Variants in PPFIBP1 observed in about 807,000 individuals in gnomAD.
The protein encoded by PPFIBP1 is PPFIB scaffold protein 1.
In PPFIBP1, 112 loss-of-function variants were observed where a neutral mutation model predicts 137.8. The ratio of observed to expected loss-of-function variants is 0.81; its 90% CI spans 0.70 to 0.95. The LOEUF (loss-of-function observed/expected upper bound fraction) is 0.95. Ranked by LOEUF, PPFIBP1 falls within the 40% of genes least tolerant of loss-of-function variation. PPFIBP1 has a pLI of 0.00. For synonymous variants in PPFIBP1, 378 were observed against 417.3 expected (o/e 0.91, Z 1.15); for missense variants, 1,083 against 1,196.6 (o/e 0.91, Z 1.40).
intron 2 of PPFIBP1, among the ~76,000 whole-genome samples, chr12:27,631,752 A>G (rs2057287360): frequency 1.3e-5 from 2 of 151,784 alleles, no homozygotes; most frequent in South Asian, 4.1e-4. Context: ...TCGGACTTGA[A>G]CTGTTTATGC....
intron 1 of PPFIBP1, among the ~76,000 whole-genome samples, chr12:27,531,459 A>ATTTTTT (rs11434409): frequency 1.4e-5 from 2 of 144,840 alleles, no homozygotes; most frequent in Non-Finnish European, 3.0e-5. Context: ...TGAGCAGCTA[A>ATTTTTT]TTTTTTTTTT....
intron 2 of PPFIBP1, among the ~76,000 whole-genome samples, chr12:27,609,327 T>C (rs1024626270): frequency 3.3e-5 from 5 of 152,218 alleles, no homozygotes; most frequent in South Asian, 2.1e-4. Flanking sequence ...TCTTTAGAAA[T>C]GGCATCCTCA....
At chr12:27,671,840 G>A (rs542995185) in intron 14 of PPFIBP1, among the ~76,000 whole-genome samples, 1 of 152,232 alleles carries the variant, frequency 6.6e-6, no homozygotes, top group Admixed American at 6.5e-5. Flanking sequence ...GGAAGGCCAA[G>A]GTGGGCAGAT....
rs185730225 is a variant in PPFIBP1 at position 27,557,110 on chromosome 12, G to A, written c.-123-21042G>A. 3.6e-3 allele frequency among the ~76,000 whole-genome samples: 552 copies of A among 152,148 alleles called. 4 individuals carry two copies. Among genetic ancestry groups the A allele is most frequent in the Non-Finnish European group, 4.5e-3 (307 of 68,010 alleles). ...ATATGTGTTTTAGGAAAAAGAAGGG[G>A]GTGTCAGCTTTAGAAATCTCTTCAT... On this transcript the variant is annotated intron_variant, in intron 1 of 29. Coordinates refer to ENST00000228425, the MANE Select transcript of PPFIBP1 (RefSeq NM_003622.4).
At chr12:27,564,817 G>T (rs1050303339) in intron 1 of PPFIBP1, among the ~76,000 whole-genome samples, 4 of 151,896 alleles carry the variant, frequency 2.6e-5, no homozygotes, top group African/African-American at 9.7e-5. Flanking sequence ...TTCCCAGGCC[G>T]CCAGCCCCTT....
At chr12:27,553,045 T>C (rs1035702709) in intron 1 of PPFIBP1, among the ~76,000 whole-genome samples, 1 of 152,116 alleles carries the variant, frequency 6.6e-6, no homozygotes, top group African/African-American at 2.4e-5. Flanking sequence ...TACAAGGAAG[T>C]GCACGCAGAG....
rs1182038613 is a variant in PPFIBP1, at chr12:27,644,244, G to T, written c.271-1818G>T. Among the ~76,000 whole-genome samples, 12 of 117,770 alleles carry T rather than the reference G, an allele frequency of 1.0e-4. No individual in the cohort carries two copies. In the South Asian group the frequency reaches 1.0e-3, roughly 10 times the overall value. The allele number at this position is 117,770 out of a possible 152,430, so 77.3% of individuals were successfully genotyped here. ...GGCGCACACCACCAAGCTTGGCTAA[G>T]TTTTTTTTTTTTTTTTTTTTTTTTT... is the stretch of plus-strand genomic sequence containing the variant. On this transcript the variant is annotated intron_variant, in intron 4 of 29. Coordinates refer to ENST00000228425, the MANE Select transcript of PPFIBP1 (RefSeq NM_003622.4).
At chr12:27,609,784 A>C (rs1335224514) in intron 2 of PPFIBP1, among the ~76,000 whole-genome samples, 2 of 151,946 alleles carry the variant, frequency 1.3e-5, no homozygotes, top group African/African-American at 4.8e-5. Flanking sequence ...TGACTGTTTC[A>C]CTTCCTGAAC....
intron 12 of PPFIBP1, among the ~76,000 whole-genome samples, chr12:27,665,683 G>A (rs12578522): frequency 0.073 from 11,053 of 152,192 alleles, 476 homozygotes; most frequent in Admixed American, 0.1. Flanking sequence ...TGCTCGCAAC[G>A]TAAGCACTGG....
intron 1 of PPFIBP1, among the ~76,000 whole-genome samples, chr12:27,576,158 CT>C (rs796686261): frequency 2.1e-3 from 325 of 151,390 alleles, no homozygotes; most frequent in African/African-American, 7.2e-3. Flanking sequence ...TCCCCCACCG[CT>C]TTTTTTTTCA....
intron 2 of PPFIBP1, among the ~76,000 whole-genome samples, chr12:27,600,450 A>T (rs1456527419): frequency 6.6e-6 from 1 of 152,076 alleles, no homozygotes; most frequent in East Asian, 1.9e-4. Flanking sequence ...AAAAAAAAAA[A>T]ATAGTTAGAA....
chr12:27,642,933 A>G (rs3829312), intron 4 of PPFIBP1, among the ~76,000 whole-genome samples: 47,131 of 151,814 alleles, frequency 0.31, 7,868 homozygotes, highest in Middle Eastern at 0.37. Context: ...AAGGAAAGAA[A>G]TAAGAGGTAA....
At chr12:27,529,349 C>T (rs369014785) in intron 1 of PPFIBP1, among the ~76,000 whole-genome samples, 3 of 152,220 alleles carry the variant, frequency 2.0e-5, no homozygotes, top group East Asian at 3.9e-4. Context: ...AACTCCATTT[C>T]ACCTGGTGAA....
chr12:27,564,299 GAGTGT>G (rs2049446986), intron 1 of PPFIBP1, among the ~76,000 whole-genome samples: 1 of 152,224 alleles, frequency 6.6e-6, no homozygotes, highest in Admixed American at 6.5e-5. Flanking sequence ...AAGACAGAAT[GAGTGT>G]ACTTTTTATC....
At chr12:27,593,318 A>T (rs971583914) in intron 2 of PPFIBP1, 3 of 376,440 alleles carry the variant, frequency 8.0e-6, no homozygotes, top group African/African-American at 6.4e-5. Flanking sequence ...GCCCCTTGGG[A>T]CCTGCTTCCT....
intron 2 of PPFIBP1, among the ~76,000 whole-genome samples, chr12:27,589,797 G>A (rs1284485746): frequency 3.9e-5 from 6 of 152,218 alleles, no homozygotes. Context: ...AGTCTTTTGA[G>A]AGTAAGATAT....
chr12:27,682,367 G>A lies in PPFIBP1; in HGVS notation c.2047-20G>A. 6.5e-7 allele frequency: 1 copy of A among 1,549,640 alleles called. No homozygotes were observed. Among genetic ancestry groups the A allele is most frequent in the African/African-American group, 1.4e-5 (1 of 73,578 alleles). ...CAGCCTATACAGATAGAATTATAAAGTCAATGTTTATTGTTTCAGGAACTT... is the reference window on the plus strand; with the variant it reads ...CAGCCTATACAGATAGAATTATAAAATCAATGTTTATTGTTTCAGGAACTT... On this transcript the variant is annotated intron_variant, in intron 22 of 29. Transcript: ENST00000228425.
chr12:27,678,737 A>G (rs2060677377), intron 19 of PPFIBP1, among the ~76,000 whole-genome samples: 2 of 151,900 alleles, frequency 1.3e-5, no homozygotes, highest in African/African-American at 4.8e-5. Context: ...GGGTGCCTGT[A>G]ATCCCAGCTA....
chr12:27,694,370 A>G lies in PPFIBP1; in HGVS notation c.*1488A>G, dbSNP rs1261259611. On this transcript the variant is annotated 3_prime_UTR_variant, in exon 30 of 30. Coordinates refer to ENST00000228425, the MANE Select transcript of PPFIBP1 (RefSeq NM_003622.4). ...TCCTCTCCCCAAAATTTGTAGAAAT[A>G]GTTTTTGAGGAAGCCAAAAGCAAAG... 1 of 152,254 alleles carries G rather than the reference A, an allele frequency of 6.6e-6. No homozygotes were observed. Among genetic ancestry groups the G allele is most frequent in the African/African-American group, 2.4e-5 (1 of 41,472 alleles). The allele number at this position is 152,254 out of a possible 1,614,324, so 9.4% of individuals were successfully genotyped here. A position where few individuals can be genotyped will look rare whatever the true frequency, so the allele number is the denominator to read the frequency against.
Sources: allele counts gnomAD v4.1 joint callset (sites outside exome capture counted in the v4.1 genomes callset), GRCh38; gene constraint gnomAD v4.1.1; transcripts MANE v1.5; gene names NCBI Gene and HGNC (gene_info 2026-07-23, HGNC 2026-07-21).